Variants in PCSK2 observed in about 807,000 individuals in gnomAD.
PCSK2 encodes proprotein convertase subtilisin/kexin type 2.
Under a neutral mutation model 69.7 loss-of-function variants are expected in PCSK2, and 14 were observed. The observed-to-expected ratio is 0.20, with a 90% CI of 0.13 to 0.31. The LOEUF (loss-of-function observed/expected upper bound fraction) is 0.31, where lower values mean the gene tolerates loss of function less well. Ranked by LOEUF, PCSK2 falls within the 10% of genes least tolerant of loss-of-function variation. PCSK2 has a pLI of 1.00. For synonymous variants in PCSK2, 307 were observed against 320.7 expected, an observed-to-expected ratio of 0.96 and a Z score of 0.46; for missense variants, 544 against 842.5, an observed-to-expected ratio of 0.65 and a Z score of 4.39.
At chr20:17,287,548 G>A (rs766899807) in intron 2 of PCSK2, among the ~76,000 whole-genome samples, 24 of 152,022 alleles carry the variant, frequency 1.6e-4, no homozygotes, top group Non-Finnish European at 3.2e-4. Flanking sequence ...ATTCTTTCTT[G>A]TCTGCTCAAG....
chr20:17,478,981 T>G, intron 11 of PCSK2: 1 of 683,380 alleles, frequency 1.5e-6, no homozygotes, highest in South Asian at 1.8e-5. Context: ...AGCTTTAAAG[T>G]ATATTGCACA....
intron 2 of PCSK2, among the ~76,000 whole-genome samples, chr20:17,317,533 C>T (rs1568600317): frequency 6.6e-6 from 1 of 152,154 alleles, no homozygotes; most frequent in Non-Finnish European, 1.5e-5. Context: ...GAAAAATGGG[C>T]AACTAAATCT....
At chr20:17,436,583 TG>T in intron 7 of PCSK2, 124 bp from the exon 8 acceptor site, 1 of 730,222 alleles carries the variant, frequency 1.4e-6, no homozygotes, top group Non-Finnish European at 2.3e-6. Context: ...GACTGCACAG[TG>T]GCCCCAGAGC....
At chr20:17,394,079 C>T (rs143901743) in intron 5 of PCSK2, among the ~76,000 whole-genome samples, 1 of 152,154 alleles carries the variant, frequency 6.6e-6, no homozygotes, top group Non-Finnish European at 1.5e-5. Flanking sequence ...AGGAGGATCG[C>T]TTGAGCCCAG....
intron 11 of PCSK2, among the ~76,000 whole-genome samples, chr20:17,478,667 C>A (rs1447327096): frequency 1.3e-5 from 2 of 152,106 alleles, no homozygotes; most frequent in Non-Finnish European, 2.9e-5. Flanking sequence ...AAGATATTAG[C>A]TAATTCTCAT....
chr20:17,325,446 A>G (rs1359040232), intron 2 of PCSK2, among the ~76,000 whole-genome samples: 1 of 152,190 alleles, frequency 6.6e-6, no homozygotes, highest in Non-Finnish European at 1.5e-5. Context: ...AAAATAACCC[A>G]ATGGGGCGTG....
intron 6 of PCSK2, among the ~76,000 whole-genome samples, chr20:17,418,842 T>C (rs2032059603): frequency 6.6e-6 from 1 of 152,190 alleles, no homozygotes; most frequent in Non-Finnish European, 1.5e-5. Flanking sequence ...CAGCATGCCC[T>C]GAAACTCCAG....
intron 2 of PCSK2, among the ~76,000 whole-genome samples, chr20:17,286,457 G>GT (rs143383899): frequency 0.055 from 8,394 of 152,092 alleles, 246 homozygotes; most frequent in Middle Eastern, 0.13. Flanking sequence ...GCACAGGATC[G>GT]TTTTTTTGTT....
intron 5 of PCSK2, among the ~76,000 whole-genome samples, chr20:17,397,339 G>A (rs1342782456): frequency 1.3e-5 from 2 of 152,128 alleles, no homozygotes; most frequent in Non-Finnish European, 2.9e-5. Context: ...ACGTTAAGCA[G>A]CAGGAGTCAA....
chr20:17,326,021 A>G (rs1485243132), intron 2 of PCSK2, among the ~76,000 whole-genome samples: 2 of 152,254 alleles, frequency 1.3e-5, no homozygotes, highest in African/African-American at 4.8e-5. Context: ...GAATCACAGG[A>G]GTCCTCTTAA....
intron 2 of PCSK2, among the ~76,000 whole-genome samples, chr20:17,300,913 A>G (rs1214533423): frequency 6.6e-6 from 1 of 152,204 alleles, no homozygotes; most frequent in East Asian, 1.9e-4. Context: ...ATAAATTTGT[A>G]TTTAGGAGAG....
intron 10 of PCSK2, among the ~76,000 whole-genome samples, chr20:17,462,076 C>T (rs2033022627): frequency 6.6e-6 from 1 of 152,080 alleles, no homozygotes; most frequent in African/African-American, 2.4e-5. Flanking sequence ...ACACAGATAC[C>T]CTAAGCCCAC....
intron 2 of PCSK2, among the ~76,000 whole-genome samples, chr20:17,291,771 A>C (rs1422863780): frequency 6.6e-6 from 1 of 152,178 alleles, no homozygotes; most frequent in Non-Finnish European, 1.5e-5. Context: ...TCTCACAGAA[A>C]TGGAATCTGG....
At chr20:17,399,558 A>C (rs1027042546) in intron 5 of PCSK2, among the ~76,000 whole-genome samples, 2 of 152,188 alleles carry the variant, frequency 1.3e-5, no homozygotes, top group African/African-American at 4.8e-5. Flanking sequence ...TCTGTCAGAT[A>C]AGAAGAAGGA....
chr20:17,309,538 C>T (rs897847389), intron 2 of PCSK2, among the ~76,000 whole-genome samples: 4 of 152,128 alleles, frequency 2.6e-5, no homozygotes, highest in African/African-American at 9.7e-5. Context: ...AAAAGAGATG[C>T]TGGGCATGGC....
chr20:17,439,050 G>A (rs2032544636), intron 8 of PCSK2, among the ~76,000 whole-genome samples: 1 of 152,144 alleles, frequency 6.6e-6, no homozygotes, highest in African/African-American at 2.4e-5. Flanking sequence ...TACCCCATTA[G>A]GTTTCCCTTT....
At chr20:17,239,034 G>T (rs1462787171) in intron 1 of PCSK2, among the ~76,000 whole-genome samples, 1 of 152,186 alleles carries the variant, frequency 6.6e-6, no homozygotes, top group South Asian at 2.1e-4. Flanking sequence ...AACCAAGTAT[G>T]CTAGGAAGGG....
chr20:17,424,635 G>A (rs2032205099), intron 6 of PCSK2, among the ~76,000 whole-genome samples: 1 of 152,036 alleles, frequency 6.6e-6, no homozygotes, highest in Non-Finnish European at 1.5e-5. Flanking sequence ...TGAGATTACA[G>A]GCACGCGCCA....
At chr20:17,347,271 G>T (rs2123184236) in intron 2 of PCSK2, among the ~76,000 whole-genome samples, 1 of 152,270 alleles carries the variant, frequency 6.6e-6, no homozygotes, top group African/African-American at 2.4e-5. Context: ...CACACTCCCT[G>T]TCTGCTGCCT....
Sources: gnomAD v4.1 joint callset for allele counts (sites outside exome capture counted in the v4.1 genomes callset) on GRCh38, gnomAD v4.1.1 for gene constraint, MANE v1.5 for transcripts, NCBI Gene and HGNC (gene_info 2026-07-23, HGNC 2026-07-21) for gene names.